PDE2A: variants seen among roughly 807,000 people sequenced by gnomAD.
PDE2A encodes cGMP-dependent 3',5'-cyclic phosphodiesterase.
A neutral mutation model predicts 133.6 loss-of-function variants in PDE2A; 53 were observed. The observed-to-expected ratio is 0.40, with a 90% CI of 0.32 to 0.50. The LOEUF (loss-of-function observed/expected upper bound fraction) is 0.50. Among genes scored for constraint, PDE2A ranks in the 20% least tolerant of loss-of-function variants. The pLI, the probability that PDE2A is intolerant of heterozygous loss-of-function variation, is 0.73. For synonymous variants in PDE2A, 491 were observed against 490.2 expected (o/e 1.00, Z -0.02); for missense variants, 796 against 1,232.4 (o/e 0.65, Z 5.30).
intron 4 of PDE2A, chr11:72,598,528 C>T (rs1270540906): frequency 7.8e-7 from 1 of 1,289,202 alleles, no homozygotes; most frequent in Non-Finnish European, 1.0e-6. Context: ...CACCAAATGT[C>T]ACTCCTTGAT....
intron 2 of PDE2A, among the ~76,000 whole-genome samples, chr11:72,611,247 G>A (rs778939660): frequency 7.9e-5 from 12 of 152,254 alleles, no homozygotes; most frequent in Admixed American, 3.3e-4. Flanking sequence ...CCATTTGACC[G>A]ATGAGGAAGC....
rs779905110 is a variant in PDE2A at position 72,674,165 on chromosome 11, G to C, written c.43C>G (p.Gln15Glu). ...CGHSILCRSQ[Q>E]YPAARPAEPR... ...TCAGCCGGTCGCGCTGCCGGGTACT[G>C]CTGGCTCCTGCAGAGGATGGAGTGG... The change falls in exon 1 of 31, where the codon CAG becomes GAG. Residue 15 changes from glutamine to glutamate, a missense_variant. Physicochemically the swap from Gln to Glu is conservative, Grantham distance 29. Around this residue, in one of 7 missense-constraint regions of PDE2A, gnomAD observed 417 missense variants for 475.3 expected, o/e 0.88. Transcript: ENST00000334456. 6.2e-7 allele frequency: 1 copy of C among 1,612,822 alleles called. No individual in the cohort carries two copies. The highest frequency in any genetic ancestry group is 1.1e-5 in the South Asian group (1 of 91,068).
intron 14 of PDE2A, 135 bp downstream of exon 14, chr11:72,585,935 T>A (rs1409282028): frequency 3.0e-6 from 2 of 666,002 alleles, no homozygotes; most frequent in South Asian, 3.5e-5. Context: ...GCCTTCAAGT[T>A]ATGAGGTTAT....
In PDE2A at chr11:72,674,160, G is replaced by A; in HGVS notation, c.48C>T (p.Tyr16=). 1 of 1,613,044 alleles carries A rather than the reference G, an allele frequency of 6.2e-7. No homozygotes were observed. The highest frequency in any genetic ancestry group is 8.5e-7 in the Non-Finnish European group (1 of 1,179,846). The change falls in exon 1 of 31, where the codon TAC becomes TAT. Residue 16 remains tyrosine, a synonymous_variant. Transcript: ENST00000334456. ...ACGGCTCAGCCGGTCGCGCTGCCGGGTACTGCTGGCTCCTGCAGAGGATGG... is the reference window on the plus strand; with the variant it reads ...ACGGCTCAGCCGGTCGCGCTGCCGGATACTGCTGGCTCCTGCAGAGGATGG... ...GHSILCRSQQ[Y]PAARPAEPRG...
intron 2 of PDE2A, among the ~76,000 whole-genome samples, chr11:72,636,577 G>A (rs1226435122): frequency 6.6e-6 from 1 of 152,152 alleles, no homozygotes; most frequent in South Asian, 2.1e-4. Context: ...ACAGGCCCAG[G>A]CATCTGCCAC....
At chr11:72,621,980 C>T (rs1385214247) in intron 2 of PDE2A, among the ~76,000 whole-genome samples, 2 of 151,982 alleles carry the variant, frequency 1.3e-5, no homozygotes, top group African/African-American at 2.4e-5. Context: ...ATAAAGAACC[C>T]CTGCAATTCA....
chr11:72,587,672 C>A (rs1023442339), intron 13 of PDE2A: 1 of 152,234 alleles, frequency 6.6e-6, no homozygotes, highest in Non-Finnish European at 1.5e-5. Flanking sequence ...ACATTAAGTG[C>A]TCAATATTTG....
intron 2 of PDE2A, chr11:72,630,927 A>C (rs1858347335): frequency 1.6e-6 from 1 of 639,244 alleles, no homozygotes; most frequent in African/African-American, 1.9e-5. Flanking sequence ...GATGGTCTTG[A>C]TATAGGGGTG....
Position 72,617,150 on chromosome 11 carries a change from C to T in PDE2A, c.145-8399G>A, listed in dbSNP as rs901230201. ...GGATGGGCTGAGCCCTCTCAGATGT[C>T]GGGTAAGGCTGAGTATCTGCCTCCA... On this transcript the variant is annotated intron_variant, in intron 2 of 30. Coordinates refer to ENST00000334456, the MANE Select transcript of PDE2A (RefSeq NM_002599.5). Among the ~76,000 whole-genome samples the T allele has an allele frequency of 4.6e-5, 7 of 152,322 alleles. No homozygotes were observed. In the East Asian group the frequency reaches 1.2e-3, roughly 25 times the overall value.
At chr11:72,583,270 G>T (rs534145889) in intron 20 of PDE2A, among the ~76,000 whole-genome samples, 168 bp downstream of exon 20, 1 of 152,230 alleles carries the variant, frequency 6.6e-6, no homozygotes, top group Admixed American at 6.5e-5. Flanking sequence ...GCAGCTTGGA[G>T]GAGAGGTCTC....
chr11:72,663,252 G>T (rs1030359550), intron 1 of PDE2A, among the ~76,000 whole-genome samples: 1 of 152,196 alleles, frequency 6.6e-6, no homozygotes, highest in South Asian at 2.1e-4. Context: ...AAGGCCAGTT[G>T]GGATGAATGA....
chr11:72,599,027 G>A (rs958904975), intron 4 of PDE2A: 15 of 985,224 alleles, frequency 1.5e-5, no homozygotes, highest in African/African-American at 3.5e-5. Context: ...GAGGCTTCAC[G>A]GAGGCAGGGG....
intron 14 of PDE2A, 130 bp downstream of exon 14, chr11:72,585,940 G>GGTTATGGCTTCAA: frequency 1.5e-6 from 1 of 677,556 alleles, no homozygotes; most frequent in Non-Finnish European, 2.7e-6. Flanking sequence ...CAAGTTATGA[G>GGTTATGGCTTCAA]GTTATGGAGC....
In PDE2A at chr11:72,615,751, A is replaced by C. The variant is rs116164340; in HGVS notation, c.145-7000T>G. Among the ~76,000 whole-genome samples, 1,502 of 152,324 alleles carry C rather than the reference A, an allele frequency of 9.9e-3. 22 individuals carry two copies. Among genetic ancestry groups the C allele is most frequent in the African/African-American group, 0.035 (1,437 of 41,574 alleles). Reference sequence around the variant, plus strand: ...ATCACAGTCATCCTGGTCACCTGGCATTCTAGCTATCCTTGTCCTCTGGCC... The same window carrying C: ...ATCACAGTCATCCTGGTCACCTGGCCTTCTAGCTATCCTTGTCCTCTGGCC... On this transcript the variant is annotated intron_variant, in intron 2 of 30. Transcript: ENST00000334456.
At position 72,674,396 on chromosome 11, in the gene PDE2A, C is replaced by G. The variant is rs1855455540; in HGVS notation, c.-189G>C. The G allele has an allele frequency of 3.4e-6, 2 of 581,966 alleles. No individual in the cohort carries two copies. Among genetic ancestry groups the G allele is most frequent in the South Asian group, 4.2e-5 (2 of 47,174 alleles). 36.1% of individuals were successfully genotyped at this position (581,966 alleles called of 1,614,324 possible). A position where few individuals can be genotyped will look rare whatever the true frequency, so the allele number is the denominator to read the frequency against. On this transcript the variant is annotated 5_prime_UTR_variant, in exon 1 of 31. Coordinates refer to ENST00000334456, the MANE Select transcript of PDE2A (RefSeq NM_002599.5). ...CCGCTGCTCCCGCCTCTCCCGCTGC[C>G]ACTGCCTCTGCTGCTCGGCTGGCTC...
intron 1 of PDE2A, among the ~76,000 whole-genome samples, chr11:72,672,133 G>A (rs77473083): frequency 0.019 from 2,907 of 151,488 alleles, 46 homozygotes; most frequent in Middle Eastern, 0.031. Context: ...GTTCAACCCA[G>A]ACAATGCCAC....
chr11:72,631,030 G>T, intron 2 of PDE2A: 1 of 1,409,836 alleles, frequency 7.1e-7, no homozygotes, highest in Non-Finnish European at 9.8e-7. Context: ...TTCAGTCTGC[G>T]CCCCACCCCC....
chr11:72,628,886 C>A (rs183301840), intron 2 of PDE2A, among the ~76,000 whole-genome samples: 277 of 152,354 alleles, frequency 1.8e-3, no homozygotes, highest in African/African-American at 6.4e-3. Flanking sequence ...GGTCCCCACT[C>A]TCTCCAGTCT....
chr11:72,659,707 G>GC (rs1311546053), intron 1 of PDE2A, among the ~76,000 whole-genome samples: 1 of 152,042 alleles, frequency 6.6e-6, no homozygotes, highest in African/African-American at 2.4e-5. Context: ...GACCATCTTG[G>GC]CCAGCCCCTG....
Sources: gnomAD v4.1 joint callset for allele counts (sites outside exome capture counted in the v4.1 genomes callset) on GRCh38, gnomAD v4.1.1 for gene constraint, gnomAD v4.1.1 regional missense constraint, MANE v1.5 for transcripts, NCBI Gene and HGNC (gene_info 2026-07-23, HGNC 2026-07-21) for gene names.